NCOR1: variants seen among roughly 807,000 people sequenced by gnomAD.
NCOR1 encodes the protein protein phosphatase 1, regulatory subunit 109.
A neutral mutation model predicts 288.1 loss-of-function variants in NCOR1; 63 were observed. That is an observed-to-expected ratio of 0.22 (90% CI 0.18 to 0.27). The LOEUF is 0.27. NCOR1 is among the 10% of genes least tolerant of loss of function. The probability of loss-of-function intolerance (pLI) is 1.00; values close to 1 mark genes in which losing one functional copy is unlikely to be tolerated. For missense variants in NCOR1, 2,397 were observed against 3,019.2 expected, an observed-to-expected ratio of 0.79 and a Z score of 4.83; for synonymous variants, 1,007 against 1,065.9, an observed-to-expected ratio of 0.94 and a Z score of 1.08.
intron 42 of NCOR1, chr17:16,044,766 T>C: frequency 2.2e-6 from 2 of 895,052 alleles, no homozygotes; most frequent in South Asian, 1.3e-5. Context: ...TTGTTTGCAA[T>C]GGCCCTGGCC....
rs566589378 is a variant in NCOR1 at position 16,032,500 on chromosome 17, T to A, written c.7136-17A>T. ...GAGTTGAGCCTGACAAAAGAAAAATTAGGTTTTCATTGTCATGAACATAAC... is the reference window on the plus strand; with the variant it reads ...GAGTTGAGCCTGACAAAAGAAAAATAAGGTTTTCATTGTCATGAACATAAC... On this transcript the variant is annotated splice_polypyrimidine_tract_variant and intron_variant, in intron 45 of 45. Transcript: ENST00000268712. 2 of 1,561,452 alleles carry A rather than the reference T, an allele frequency of 1.3e-6. No individual in the cohort carries two copies. Among genetic ancestry groups the A allele is most frequent in the South Asian group, 2.4e-5 (2 of 82,562 alleles).
intron 18 of NCOR1, among the ~76,000 whole-genome samples, chr17:16,110,165 C>G (rs187201073): frequency 1.3e-5 from 2 of 152,024 alleles, no homozygotes; most frequent in Non-Finnish European, 2.9e-5. Flanking sequence ...GATTAGCCTG[C>G]GCAACAAAGT....
At chr17:16,136,933 T>C (rs1456507966) in intron 14 of NCOR1, among the ~76,000 whole-genome samples, 1 of 152,040 alleles carries the variant, frequency 6.6e-6, no homozygotes, top group Non-Finnish European at 1.5e-5. Context: ...TACCATGTTG[T>C]ATTTCTCTCC....
At chr17:16,174,698 G>A (rs558818524) in intron 3 of NCOR1, among the ~76,000 whole-genome samples, 1 of 151,998 alleles carries the variant, frequency 6.6e-6, no homozygotes, top group Non-Finnish European at 1.5e-5. Flanking sequence ...AATAAACTAC[G>A]AAAATCTTTG....
chr17:16,154,268 A>G (rs1244422953), intron 6 of NCOR1, among the ~76,000 whole-genome samples: 1 of 152,106 alleles, frequency 6.6e-6, no homozygotes, highest in Non-Finnish European at 1.5e-5. Context: ...TTAATCTATC[A>G]ATATTTTGGC....
chr17:16,056,090 A>T (rs1178367914), intron 40 of NCOR1, among the ~76,000 whole-genome samples: 19 of 119,944 alleles, frequency 1.6e-4, no homozygotes, highest in Non-Finnish European at 3.9e-4. Context: ...TTTAAAGAAG[A>T]CCATTTAGCT....
intron 23 of NCOR1, among the ~76,000 whole-genome samples, chr17:16,081,947 G>A (rs2063474987): frequency 6.6e-6 from 1 of 152,194 alleles, no homozygotes; most frequent in Non-Finnish European, 1.5e-5. Context: ...TGCCCTTAAG[G>A]CTCTGCACGC....
At chr17:16,134,188 G>C (rs1477362059) in intron 14 of NCOR1, among the ~76,000 whole-genome samples, 7 of 152,102 alleles carry the variant, frequency 4.6e-5, no homozygotes, top group African/African-American at 1.7e-4. Flanking sequence ...TTTCTGAAAA[G>C]CTGCCCCTCT....
chr17:16,143,046 T>C (rs2077367204), intron 11 of NCOR1, among the ~76,000 whole-genome samples: 1 of 152,224 alleles, frequency 6.6e-6, no homozygotes. Context: ...TTACCATACT[T>C]ACCTGGGACT....
rs777043154 is a variant in NCOR1, at chr17:16,064,821, T to TGTAA, written c.5101+45_5101+48dup. The stretch of plus-strand genomic sequence containing the variant: ...ACCTTAAAAGGCTATGTTGTAAAAA[T>TGTAA]GTAAACATGATGGTTCTATTAGAGA... On this transcript the variant is annotated intron_variant, in intron 34 of 45. Transcript: ENST00000268712. 19 of 1,474,650 alleles carry TGTAA rather than the reference T, an allele frequency of 1.3e-5. 1 individual carries two copies. In the South Asian group the frequency reaches 2.4e-4, roughly 19 times the overall value. 91.3% of individuals were successfully genotyped at this position (1,474,650 alleles called of 1,614,324 possible).
At chr17:16,087,131 G>A (rs73981445) in intron 22 of NCOR1, 41,737 of 1,283,970 alleles carry the variant, frequency 0.033, 810 homozygotes, top group African/African-American at 0.084. Flanking sequence ...ACATCTGTGG[G>A]TGGATGGCCA....
intron 1 of NCOR1, among the ~76,000 whole-genome samples, chr17:16,212,431 T>G (rs189417071): frequency 1.1e-3 from 164 of 152,232 alleles, no homozygotes; most frequent in African/African-American, 3.7e-3. Flanking sequence ...CAAAAATATA[T>G]GAATCTCTAA....
intron 19 of NCOR1, among the ~76,000 whole-genome samples, chr17:16,107,199 T>C (rs961671038): frequency 6.6e-5 from 10 of 151,972 alleles, no homozygotes; most frequent in Non-Finnish European, 1.5e-4. Flanking sequence ...CCGGCCCAGA[T>C]AGACATATTA....
chr17:16,138,133 A>G (rs2076686080), intron 13 of NCOR1, 25 bp downstream of exon 13: 1 of 1,591,496 alleles, frequency 6.3e-7, no homozygotes, highest in Non-Finnish European at 8.6e-7. Flanking sequence ...ACCTACAAAC[A>G]CTCCCAATGC....
intron 21 of NCOR1, among the ~76,000 whole-genome samples, chr17:16,097,642 G>A (rs1382182571): frequency 6.6e-6 from 1 of 152,126 alleles, no homozygotes; most frequent in Non-Finnish European, 1.5e-5. Context: ...CACCTTGCCC[G>A]ATCCATCTCT....
At chr17:16,088,819 G>A (rs903558901) in intron 22 of NCOR1, among the ~76,000 whole-genome samples, 3 of 152,034 alleles carry the variant, frequency 2.0e-5, no homozygotes, top group Middle Eastern at 3.2e-3. Flanking sequence ...ATTCCGGACC[G>A]TTAGCTCTAA....
At chr17:16,065,355 G>A (rs1010362326) in intron 33 of NCOR1, 130 bp downstream of exon 33, 10 of 1,073,304 alleles carry the variant, frequency 9.3e-6, no homozygotes, top group South Asian at 1.6e-5. Flanking sequence ...AAAAGTCTAC[G>A]GGAGGAAGGA....
chr17:16,055,579 C>T (rs549194215), intron 40 of NCOR1, among the ~76,000 whole-genome samples: 1 of 152,140 alleles, frequency 6.6e-6, no homozygotes, highest in South Asian at 2.1e-4. Flanking sequence ...GGGTACCAGG[C>T]TTAATACCTG....
intron 22 of NCOR1, among the ~76,000 whole-genome samples, chr17:16,088,388 A>T (rs1404475199): frequency 6.6e-6 from 1 of 152,184 alleles, no homozygotes; most frequent in Non-Finnish European, 1.5e-5. Context: ...ATGAGTTTAT[A>T]TAAATAAACC....
Sources: allele counts gnomAD v4.1 joint callset (sites outside exome capture counted in the v4.1 genomes callset), GRCh38; gene constraint gnomAD v4.1.1; transcripts MANE v1.5; gene names NCBI Gene and HGNC (gene_info 2026-07-23, HGNC 2026-07-21).